The following DOK7 variants were observed in gnomAD, a reference collection of about 807,000 sequenced individuals.
The protein encoded by DOK7 is protein Dok-7.
DOK7 carries 32 observed loss-of-function variants against 30.7 expected under a neutral mutation model. The observed-to-expected ratio is 1.04, with a 90% CI of 0.79 to 1.40. DOK7 has a LOEUF of 1.40. DOK7 is among the 40% of genes most tolerant of loss of function. The pLI, the probability that DOK7 is intolerant of heterozygous loss-of-function variation, is 0.00. For synonymous variants in DOK7, 447 were observed against 324.1 expected (o/e 1.38, Z -4.07); for missense variants, 1,007 against 699.2 (o/e 1.44, Z -4.97).
chr4:3,494,624 T>G, downstream of DOK7: 3 of 791,254 alleles, frequency 3.8e-6, no homozygotes, highest in South Asian at 1.7e-4. Flanking sequence ...ATCTGTCTTG[T>G]GAGCCTTGGG....
intron 6 of DOK7, among the ~76,000 whole-genome samples, chr4:3,491,861 C>T (rs115743933): frequency 1.9e-3 from 285 of 152,286 alleles, no homozygotes; most frequent in African/African-American, 6.5e-3. Context: ...CTGTGCTCCC[C>T]GAAGGGTGGC....
At chr4:3,487,906 C>G (rs1727919200) in intron 5 of DOK7, among the ~76,000 whole-genome samples, 1 of 152,240 alleles carries the variant, frequency 6.6e-6, no homozygotes, top group African/African-American at 2.4e-5. Flanking sequence ...AGCCTGGACC[C>G]TCAGTGCACC....
chr4:3,494,117 G>C lies in DOK7; in HGVS notation c.*616G>C, dbSNP rs762194427. 145 of 985,732 alleles carry C rather than the reference G, an allele frequency of 1.5e-4. No homozygotes were observed. Among genetic ancestry groups the C allele is most frequent in the Non-Finnish European group, 1.6e-4 (133 of 830,248 alleles). 61.1% of individuals were successfully genotyped at this position (985,732 alleles called of 1,614,324 possible). On this transcript the variant is annotated 3_prime_UTR_variant, in exon 7 of 7. Transcript: ENST00000340083. ...CCCACTGTTCCCCAGTGAAGCCCTT[G>C]TGGGAAGGTTCCGGGAGCAGGTGGT...
chr4:3,470,624 T>C (rs981562422), intron 2 of DOK7, among the ~76,000 whole-genome samples: 4 of 152,194 alleles, frequency 2.6e-5, no homozygotes, highest in Non-Finnish European at 4.4e-5. Context: ...CAAATTCAAC[T>C]CTTGGCCAGG....
At chr4:3,491,513 TTCTG>T (rs1459869097) in intron 6 of DOK7, among the ~76,000 whole-genome samples, 3 of 108,688 alleles carry the variant, frequency 2.8e-5, no homozygotes, top group Non-Finnish European at 6.0e-5. Flanking sequence ...TATTCCTTCC[TTCTG>T]TCTGTTCATT....
At chr4:3,464,487 C>T (rs1437438032) in intron 2 of DOK7, among the ~76,000 whole-genome samples, 2 of 152,184 alleles carry the variant, frequency 1.3e-5, no homozygotes, top group Non-Finnish European at 2.9e-5. Flanking sequence ...TGTGGGGGCA[C>T]CGACAGAGCC....
exon 7 of DOK7, chr4:3,500,358 C>T (rs2109445799): frequency 6.5e-7 from 1 of 1,535,940 alleles, no homozygotes; most frequent in Admixed American, 2.0e-5. Flanking sequence ...AAAGCAGCTG[C>T]ACTACATGGG....
rs771431834 is a variant in DOK7, at chr4:3,473,364, G to A, written c.101-42G>A. 1.7e-5 allele frequency: 27 copies of A among 1,598,780 alleles called. No homozygotes were observed. In the South Asian group the frequency reaches 2.4e-4, roughly 14 times the overall value. On this transcript the variant is annotated intron_variant, in intron 2 of 6. Transcript: ENST00000340083. ...CCCGGGGACGCCAAGGGTGCGGGCA[G>A]GCGGTGTTGGCTGGCGTCCCTGACG...
rs1339275042 is a variant in DOK7 at position 3,485,532 on chromosome 4, T to C, written c.533-7T>C. ...CAGACTGACCTGTCTCTGTCCTTCC[T>C]CTGCAGGGGCTGGCGTCTTCTTCCT... On this transcript the variant is annotated splice_region_variant and splice_polypyrimidine_tract_variant and intron_variant, in intron 4 of 6. Transcript: ENST00000340083. 6.3e-7 allele frequency: 1 copy of C among 1,595,678 alleles called. No individual in the cohort carries two copies. The highest frequency in any genetic ancestry group is 1.7e-5 in the Admixed American group (1 of 58,852).
At chr4:3,500,474 C>T (rs1315954082) in intron 7 of DOK7, 1 of 1,512,986 alleles carries the variant, frequency 6.6e-7, no homozygotes, top group Non-Finnish European at 8.8e-7. Context: ...CCCTGAGCCC[C>T]CAGCCCCACC....
intron 2 of DOK7, among the ~76,000 whole-genome samples, chr4:3,467,266 C>T (rs916814103): frequency 3.3e-5 from 5 of 151,362 alleles, no homozygotes; most frequent in Admixed American, 6.6e-5. Flanking sequence ...ATCTTCCCTG[C>T]GGCTTCTCCC....
chr4:3,494,252 C>CT lies in DOK7; in HGVS notation c.*752dup, dbSNP rs1728762267. 2.0e-6 allele frequency: 2 copies of CT among 985,412 alleles called. No individual in the cohort carries two copies. The highest frequency in any genetic ancestry group is 6.1e-5 in the Admixed American group (1 of 16,274). 61.0% of individuals were successfully genotyped at this position (985,412 alleles called of 1,614,324 possible). A position where few individuals can be genotyped will look rare whatever the true frequency, so the allele number is the denominator to read the frequency against. Reference sequence around the variant, plus strand: ...CTGAACCTCCTCGCAGGGCCAAAGGCTGGCTTGGCCTGTGTTTCCCCTGGC... The same window carrying CT: ...CTGAACCTCCTCGCAGGGCCAAAGGCTTGGCTTGGCCTGTGTTTCCCCTGGC... On this transcript the variant is annotated 3_prime_UTR_variant, in exon 7 of 7. Coordinates refer to ENST00000340083, the MANE Select transcript of DOK7 (RefSeq NM_173660.5).
At position 3,490,049 on chromosome 4, in the gene DOK7, CATTA is replaced by C. The variant is rs527253687; in HGVS notation, c.772+257_772+260del. 4.3e-4 allele frequency among the ~76,000 whole-genome samples: 61 copies of C among 142,498 alleles called. 8 individuals are homozygous for C. The East Asian group carries it at 6.0e-3, about 14-fold the overall frequency. 93.5% of individuals were successfully genotyped at this position (142,498 alleles called of 152,430 possible). A position where few individuals can be genotyped will look rare whatever the true frequency, so the allele number is the denominator to read the frequency against. On this transcript the variant is annotated intron_variant, in intron 6 of 6. Transcript: ENST00000340083. ...TCATTCCTTCCTTCTTCCTCCTACT[CATTA>C]ATTCCTTCCTCCCCCCATTCCTTTC...
chr4:3,495,655 A>C (rs1375268974), downstream of DOK7, among the ~76,000 whole-genome samples: 1 of 152,168 alleles, frequency 6.6e-6, no homozygotes, highest in Non-Finnish European at 1.5e-5. Flanking sequence ...GCTCCTCCTC[A>C]GGCCAGGGGC....
At chr4:3,486,670 T>G (rs911983324) in intron 5 of DOK7, among the ~76,000 whole-genome samples, 2 of 143,576 alleles carry the variant, frequency 1.4e-5, no homozygotes, top group Non-Finnish European at 3.1e-5. Context: ...GCTGCACCCC[T>G]GTAGGTGTCT....
At chr4:3,494,938 T>C (rs1218720426), downstream of DOK7, among the ~76,000 whole-genome samples, 1 of 151,624 alleles carries the variant, frequency 6.6e-6, no homozygotes, top group African/African-American at 2.4e-5. Flanking sequence ...CCCGCCACCC[T>C]GTTGTGGGTG....
intron 2 of DOK7, among the ~76,000 whole-genome samples, chr4:3,469,516 G>A (rs1340892426): frequency 4.6e-5 from 7 of 152,120 alleles, no homozygotes; most frequent in South Asian, 2.1e-4. Context: ...TTCCTCAGCC[G>A]CTGGGTGAGA....
rs556834250 is a variant in DOK7, at chr4:3,493,222, C to A, written c.1236C>A (p.Cys412Ter). ...ACTATGACACACCACGCAGCCTTTG[C>A]CTGGCTCCTAGAGACCACAGCCCCC... Reference protein sequence around the residue: ...RAHYDTPRSLCLAPRDHSPPS... With the variant: ...RAHYDTPRSL Residue 412 changes from cysteine (C) to a stop codon, truncating the protein, a stop_gained, in exon 7 of 7, where the codon TGC becomes TGA. Coordinates refer to ENST00000340083, the MANE Select transcript of DOK7 (RefSeq NM_173660.5). LOFTEE classifies it low-confidence loss of function (END_TRUNC). 3 of 1,612,024 alleles carry A rather than the reference C, an allele frequency of 1.9e-6. No individual in the cohort carries two copies. Among genetic ancestry groups the A allele is most frequent in the Non-Finnish European group, 2.5e-6 (3 of 1,179,672 alleles).
At chr4:3,476,279 C>T (rs1727076778) in intron 3 of DOK7, 63 bp from the exon 4 acceptor site, 1 of 1,407,106 alleles carries the variant, frequency 7.1e-7, no homozygotes, top group Non-Finnish European at 9.7e-7. Flanking sequence ...TCTCACCCCA[C>T]CCGCCCGTGA....
Sources: allele counts gnomAD v4.1 joint callset (sites outside exome capture counted in the v4.1 genomes callset), GRCh38; gene constraint gnomAD v4.1.1; transcripts MANE v1.5; gene names NCBI Gene and HGNC (gene_info 2026-07-23, HGNC 2026-07-21).